Variants in KCNIP4 observed in about 807,000 individuals in gnomAD.
KCNIP4 encodes the protein Kv channel-interacting protein 4.
KCNIP4 carries 12 observed loss-of-function variants against 34.0 expected under a neutral mutation model. The ratio of observed to expected loss-of-function variants is 0.35; its 90% CI spans 0.23 to 0.57. KCNIP4 has a LOEUF of 0.57. Ranked by LOEUF, KCNIP4 falls within the 20% of genes least tolerant of loss-of-function variation. The pLI is 0.83. For synonymous variants in KCNIP4, 124 were observed against 102.2 expected (o/e 1.21, Z -1.29); for missense variants, 238 against 311.7 (o/e 0.76, Z 1.78).
At chr4:20,898,557 C>T (rs1475852425) in intron 1 of KCNIP4, among the ~76,000 whole-genome samples, 1 of 152,170 alleles carries the variant, frequency 6.6e-6, no homozygotes, top group Non-Finnish European at 1.5e-5. Flanking sequence ...GCACAATGCA[C>T]TTTAGTTAGT....
intron 1 of KCNIP4, among the ~76,000 whole-genome samples, chr4:21,476,129 C>T (rs1368001994): frequency 6.6e-6 from 1 of 152,174 alleles, no homozygotes; most frequent in Non-Finnish European, 1.5e-5. Flanking sequence ...GGGTTCACTT[C>T]AGGTGTTTTT....
intron 1 of KCNIP4, among the ~76,000 whole-genome samples, chr4:21,266,624 A>G (rs1405329907): frequency 6.6e-6 from 1 of 152,206 alleles, no homozygotes; most frequent in Non-Finnish European, 1.5e-5. Flanking sequence ...GCTAAAGTGC[A>G]TGTGGGGTGT....
At chr4:21,089,000 G>T (rs1301900395) in intron 1 of KCNIP4, among the ~76,000 whole-genome samples, 1 of 152,124 alleles carries the variant, frequency 6.6e-6, no homozygotes, top group African/African-American at 2.4e-5. Context: ...TTCCTTATGT[G>T]ATATCATGTC....
At chr4:20,755,741 C>T (rs1377454787) in intron 4 of KCNIP4, among the ~76,000 whole-genome samples, 3 of 151,848 alleles carry the variant, frequency 2.0e-5, no homozygotes, top group Admixed American at 6.6e-5. Flanking sequence ...GTGGCATTGG[C>T]GTAAATGCAA....
At chr4:20,919,127 A>AC (rs2149583391) in intron 1 of KCNIP4, among the ~76,000 whole-genome samples, 1 of 152,340 alleles carries the variant, frequency 6.6e-6, no homozygotes, top group African/African-American at 2.4e-5. Flanking sequence ...TATAACAGCA[A>AC]CAGGTATATC....
chr4:21,496,964 G>T (rs762370373), intron 1 of KCNIP4, among the ~76,000 whole-genome samples: 2 of 152,152 alleles, frequency 1.3e-5, no homozygotes, highest in Non-Finnish European at 2.9e-5. Context: ...GGGACTGCTG[G>T]CTTACAGGAT....
chr4:20,759,744 T>C (rs1447791293), intron 3 of KCNIP4, among the ~76,000 whole-genome samples: 1 of 152,212 alleles, frequency 6.6e-6, no homozygotes, highest in East Asian at 1.9e-4. Flanking sequence ...CTCTGGAAAT[T>C]CCTCCATTTT....
intron 1 of KCNIP4, among the ~76,000 whole-genome samples, chr4:21,875,739 G>A (rs1726074324): frequency 6.6e-6 from 1 of 152,166 alleles, no homozygotes; most frequent in African/African-American, 2.4e-5. Flanking sequence ...ATTTTCAGAT[G>A]AGTATAATTG....
intron 1 of KCNIP4, among the ~76,000 whole-genome samples, chr4:20,980,882 A>T (rs1323204152): frequency 6.6e-6 from 1 of 152,092 alleles, no homozygotes; most frequent in Non-Finnish European, 1.5e-5. Flanking sequence ...ATCTTAGTGA[A>T]GAGTTTAGCA....
intron 3 of KCNIP4, among the ~76,000 whole-genome samples, chr4:20,780,484 C>T (rs1756777504): frequency 1.3e-5 from 2 of 152,118 alleles, no homozygotes; most frequent in Admixed American, 6.6e-5. Flanking sequence ...AGAAACTCTC[C>T]CAGTAATAAC....
chr4:21,528,763 GAAAGAAAGAAAGAAAGGAAGAAAGGAAGA>G (rs1736325184), intron 1 of KCNIP4, among the ~76,000 whole-genome samples: 3 of 9,998 alleles, frequency 3.0e-4, no homozygotes, highest in Admixed American at 1.2e-3. Context: ...AAGAAAGAAA[GAAAGAAAGAAAGAAAGGAAGAAAGGAAGA>G]AAGGAAGAAA....
intron 1 of KCNIP4, among the ~76,000 whole-genome samples, chr4:21,940,415 T>C: frequency 6.6e-6 from 1 of 152,154 alleles, no homozygotes; most frequent in Non-Finnish European, 1.5e-5. Flanking sequence ...TCTCACTTCA[T>C]CCTTAACTCT....
intron 1 of KCNIP4, among the ~76,000 whole-genome samples, chr4:21,450,456 A>G (rs1435420953): frequency 6.6e-6 from 1 of 152,152 alleles, no homozygotes; most frequent in Admixed American, 6.6e-5. Context: ...AATCCAGAAT[A>G]CTTTAGACTT....
chr4:21,694,954 G>A (rs1423238169), intron 1 of KCNIP4, among the ~76,000 whole-genome samples: 1 of 138,252 alleles, frequency 7.2e-6, no homozygotes, highest in African/African-American at 3.0e-5. Flanking sequence ...ATAAATAAAG[G>A]GCTTTTTGGT....
At chr4:21,270,122 T>G (rs969683344) in intron 1 of KCNIP4, among the ~76,000 whole-genome samples, 19 of 152,198 alleles carry the variant, frequency 1.2e-4, no homozygotes, top group African/African-American at 4.6e-4. Flanking sequence ...GGGAGTATCA[T>G]AGGCTCAAAG....
At chr4:21,100,338 G>A (rs549937016) in intron 1 of KCNIP4, among the ~76,000 whole-genome samples, 3 of 152,192 alleles carry the variant, frequency 2.0e-5, no homozygotes, top group African/African-American at 7.2e-5. Flanking sequence ...ATTACTTGAG[G>A]TCAGGAGTTC....
chr4:21,502,020 C>G (rs1039919399), intron 1 of KCNIP4, among the ~76,000 whole-genome samples: 1 of 151,590 alleles, frequency 6.6e-6, no homozygotes, highest in Admixed American at 6.6e-5. Flanking sequence ...CACACAAGCA[C>G]ACACACACAA....
In KCNIP4 at chr4:20,732,910, TAGACG is replaced by T. The variant is rs1006674813; in HGVS notation, c.538-130_538-126del. On this transcript the variant is annotated intron_variant, in intron 6 of 8. Transcript: ENST00000382152. Reference sequence around the variant, plus strand: ...ACTTTTTGTTTGTTGGATTCTTTGTTAGACGACTGTTGGTTGTCCCAAAGGAAAAG... The same window carrying T: ...ACTTTTTGTTTGTTGGATTCTTTGTTACTGTTGGTTGTCCCAAAGGAAAAG... The T allele has an allele frequency of 1.5e-4, 89 of 609,256 alleles. No homozygotes were observed. In the African/African-American group the frequency reaches 1.5e-3, roughly 11 times the overall value. 37.7% of individuals were successfully genotyped at this position (609,256 alleles called of 1,614,324 possible). A position where few individuals can be genotyped will look rare whatever the true frequency, so the allele number is the denominator to read the frequency against.
At chr4:21,239,806 G>A (rs1053196967) in intron 1 of KCNIP4, among the ~76,000 whole-genome samples, 1 of 152,166 alleles carries the variant, frequency 6.6e-6, no homozygotes, top group Admixed American at 6.5e-5. Context: ...CATTGTGGAA[G>A]ACAGTGTGGT....
Sources: gnomAD v4.1 joint callset for allele counts (sites outside exome capture counted in the v4.1 genomes callset) on GRCh38, gnomAD v4.1.1 for gene constraint, MANE v1.5 for transcripts, NCBI Gene and HGNC (gene_info 2026-07-23, HGNC 2026-07-21) for gene names.